Variants in TANGO2 observed in about 807,000 individuals in gnomAD.
TANGO2 encodes the protein transport and golgi organization 2 homolog.
In TANGO2, 26 loss-of-function variants were observed where a neutral mutation model predicts 39.1. The ratio of observed to expected loss-of-function variants is 0.67; its 90% CI spans 0.49 to 0.92. The LOEUF is 0.92. Ranked by LOEUF, TANGO2 falls within the 40% of genes least tolerant of loss-of-function variation. The pLI is 0.00. For synonymous variants in TANGO2, 131 were observed against 144.5 expected (o/e 0.91, Z 0.67); for missense variants, 326 against 360.1 (o/e 0.91, Z 0.77).
intron 2 of TANGO2, among the ~76,000 whole-genome samples, chr22:20,040,447 G>C (rs1407945680): frequency 6.6e-6 from 1 of 152,196 alleles, no homozygotes; most frequent in East Asian, 1.9e-4. Context: ...GGTGTCCCTG[G>C]CTCCCCCGAC....
At chr22:20,033,316 C>T (rs1389160618) in intron 1 of TANGO2, 40 of 436,942 alleles carry the variant, frequency 9.2e-5, no homozygotes, top group Non-Finnish European at 2.2e-5. Context: ...TTCCCTTGGA[C>T]CATGGAGCCC....
chr22:20,055,632 G>A (rs2047188229), intron 5 of TANGO2: 2 of 458,528 alleles, frequency 4.4e-6, no homozygotes, highest in Admixed American at 6.9e-5. Flanking sequence ...TTGTCCCCAT[G>A]GGCAGCCTCT....
intron 3 of TANGO2, among the ~76,000 whole-genome samples, chr22:20,045,719 C>T (rs1429011547): frequency 6.6e-6 from 1 of 151,828 alleles, no homozygotes; most frequent in Non-Finnish European, 1.5e-5. Flanking sequence ...GTCAGGCTGG[C>T]CTTGAACTCC....
At chr22:20,063,995 G>T (rs530329553) in intron 8 of TANGO2, among the ~76,000 whole-genome samples, 1 of 152,370 alleles carries the variant, frequency 6.6e-6, no homozygotes, top group Admixed American at 6.5e-5. Context: ...GCTGTTGGGG[G>T]ATCCAGGGCC....
chr22:20,061,866 C>G (rs1006945340), intron 7 of TANGO2, 183 bp downstream of exon 7: 5 of 768,838 alleles, frequency 6.5e-6, no homozygotes, highest in Non-Finnish European at 9.9e-6. Flanking sequence ...GTTTCCAACA[C>G]CAGGGACTTT....
intron 1 of TANGO2, among the ~76,000 whole-genome samples, chr22:20,026,984 A>T (rs558337958): frequency 1.1e-4 from 17 of 152,294 alleles, no homozygotes; most frequent in South Asian, 2.1e-4. Flanking sequence ...GTCATTTATT[A>T]AAAAAAGAGG....
At position 20,057,104 on chromosome 22, in the gene TANGO2, G is replaced by T. The variant is rs963304608; in HGVS notation, c.451+1091G>T. The stretch of plus-strand genomic sequence containing the variant: ...GGTCACAGGTGCACACCTTCCCACT[G>T]GGTGTACACGGTGGAACTGAAGCCC... On this transcript the variant is annotated intron_variant, in intron 6 of 8. Coordinates refer to ENST00000327374, the MANE Select transcript of TANGO2 (RefSeq NM_152906.7). The surrounding 1 kb of genome is among the most constrained non-coding windows in gnomAD (Gnocchi z 4.1). 7.7e-6 allele frequency: 3 copies of T among 390,186 alleles called. No homozygotes were observed. The highest frequency in any genetic ancestry group is 4.1e-5 in the African/African-American group (2 of 48,312). 24.2% of individuals were successfully genotyped at this position (390,186 alleles called of 1,614,324 possible).
At chr22:20,036,899 G>C in intron 2 of TANGO2, 45 bp downstream of exon 2, 1 of 1,614,232 alleles carries the variant, frequency 6.2e-7, no homozygotes, top group Non-Finnish European at 8.5e-7. Flanking sequence ...AGGGTCCTGG[G>C]TGCCCAGCCA....
upstream of TANGO2, among the ~76,000 whole-genome samples, chr22:20,020,244 C>T (rs2039469497): frequency 6.6e-6 from 1 of 152,354 alleles, no homozygotes; most frequent in South Asian, 2.1e-4. Context: ...TTATCATTAT[C>T]CCTAATGTCT....
Position 20,056,465 on chromosome 22 carries a change from C to G in TANGO2, c.451+452C>G. ...CCTGCACCCAGTCCCCAGTCTGATC[C>G]CCGGTCCCCATCCTCAGGGCCTCGA... On this transcript the variant is annotated intron_variant, in intron 6 of 8. Coordinates refer to ENST00000327374, the MANE Select transcript of TANGO2 (RefSeq NM_152906.7). The G allele has an allele frequency of 8.7e-6, 4 of 459,136 alleles. 1 individual carries two copies. The highest frequency in any genetic ancestry group is 6.2e-5 in the South Asian group (4 of 64,584). The allele number at this position is 459,136 out of a possible 1,614,324, so 28.4% of individuals were successfully genotyped here.
intron 3 of TANGO2, among the ~76,000 whole-genome samples, chr22:20,049,396 C>T (rs939926913): frequency 6.6e-6 from 1 of 152,154 alleles, no homozygotes; most frequent in Non-Finnish European, 1.5e-5. Flanking sequence ...CACTGTGGCT[C>T]ACACCTGTAA....
upstream of TANGO2, among the ~76,000 whole-genome samples, chr22:20,020,722 C>CT (rs1309793606): frequency 6.6e-6 from 1 of 152,042 alleles, no homozygotes; most frequent in Non-Finnish European, 1.5e-5. Context: ...AGGACGCAGT[C>CT]TGAGGGGGCC....
At position 20,027,613 on chromosome 22, in the gene TANGO2, C is replaced by CT. The variant is rs796087874; in HGVS notation, c.-40+6377dup. Among the ~76,000 whole-genome samples, 565 of 148,228 alleles carry CT rather than the reference C, an allele frequency of 3.8e-3. 1 individual carries two copies. The highest frequency in any genetic ancestry group is 0.011 in the African/African-American group (464 of 40,550). ...CAGCCCTTGGCTGAGGCTTTTTTTC[C>CT]TTTTTTTTTTGAGACTCAGAGTCTT... On this transcript the variant is annotated intron_variant, in intron 1 of 8. Coordinates refer to ENST00000327374, the MANE Select transcript of TANGO2 (RefSeq NM_152906.7).
intron 1 of TANGO2, among the ~76,000 whole-genome samples, chr22:20,026,053 T>C (rs2040677194): frequency 6.6e-6 from 1 of 152,170 alleles, no homozygotes; most frequent in Non-Finnish European, 1.5e-5. Flanking sequence ...TTGGGAAGCA[T>C]GGGTGGTCCC....
intron 1 of TANGO2, among the ~76,000 whole-genome samples, chr22:20,024,388 C>T (rs1009466387): frequency 6.6e-6 from 1 of 152,204 alleles, no homozygotes; most frequent in Non-Finnish European, 1.5e-5. Flanking sequence ...TGTGTTCCCA[C>T]GTGTGTTTAC....
chr22:20,059,025 G>GTT (rs2047893606), intron 6 of TANGO2, among the ~76,000 whole-genome samples: 1 of 152,184 alleles, frequency 6.6e-6, no homozygotes, highest in Admixed American at 6.5e-5. Context: ...CAGCCTCTAT[G>GTT]AACTGCTGAA....
intron 6 of TANGO2, chr22:20,056,768 C>G (rs1569324288): frequency 1.1e-5 from 5 of 456,382 alleles, no homozygotes; most frequent in Non-Finnish European, 2.2e-5. Flanking sequence ...CCTGGGTGCA[C>G]AAAACTGTAG....
At chr22:20,034,337 GTACGGT>G (rs2042441502) in intron 1 of TANGO2, among the ~76,000 whole-genome samples, 1 of 152,240 alleles carries the variant, frequency 6.6e-6, no homozygotes. Context: ...GATGATGCAT[GTACGGT>G]TATCTTTCTG....
chr22:20,039,752 AC>A (rs957047942), intron 2 of TANGO2, among the ~76,000 whole-genome samples: 16 of 152,024 alleles, frequency 1.1e-4, no homozygotes, highest in African/African-American at 3.4e-4. Flanking sequence ...CCATGGGGTC[AC>A]CACTGAGGGT....
Sources: allele counts gnomAD v4.1 joint callset (sites outside exome capture counted in the v4.1 genomes callset), GRCh38; gene constraint gnomAD v4.1.1; non-coding constraint Gnocchi (gnomAD v3.1); transcripts MANE v1.5; gene names NCBI Gene and HGNC (gene_info 2026-07-23, HGNC 2026-07-21).